The following EML1 variants were observed in gnomAD, a reference collection of about 807,000 sequenced individuals.
The protein encoded by EML1 is EMAP like 1, also known as echinoderm microtubule-associated protein-like 1.
In EML1, 27 loss-of-function variants were observed where a neutral mutation model predicts 110.4. The observed-to-expected ratio is 0.24, with a 90% confidence interval of 0.18 to 0.34. The LOEUF is 0.34. EML1 is among the 10% of genes least tolerant of loss of function. The probability of loss-of-function intolerance (pLI) is 1.00; values close to 1 mark genes in which losing one functional copy is unlikely to be tolerated. For synonymous variants in EML1, 344 were observed against 385.8 expected (o/e 0.89, Z 1.27); for missense variants, 741 against 1,030.9 (o/e 0.72, Z 3.85).
At chr14:99,767,697 A>G (rs1189049072) in intron 1 of EML1, among the ~76,000 whole-genome samples, 1 of 151,990 alleles carries the variant, frequency 6.6e-6, no homozygotes, top group East Asian at 1.9e-4. Context: ...AAATTGTGAG[A>G]CCCTTTTCAA....
chr14:99,844,774 C>G (rs2058682714), intron 1 of EML1, among the ~76,000 whole-genome samples: 1 of 152,172 alleles, frequency 6.6e-6, no homozygotes, highest in African/African-American at 2.4e-5. Flanking sequence ...TGGAATAGTA[C>G]AGGATGTAAC....
chr14:99,791,472 T>A (rs551172227), upstream of EML1, among the ~76,000 whole-genome samples: 11 of 152,364 alleles, frequency 7.2e-5, no homozygotes, highest in African/African-American at 2.4e-4. Context: ...CGATTTTCTA[T>A]TCTCTTCTTT....
chr14:99,894,637 T>A lies in EML1; in HGVS notation c.556T>A (p.Tyr186Asn). ...KEPVFSAEEG[Y>N]VKMFLRGRPV... Reference sequence around the variant, plus strand: ...CTTTGTTCTTTTTGTAGAAGAAGGCTATGTAAAAATGTTTCTTCGTGGACG... The same window carrying A: ...CTTTGTTCTTTTTGTAGAAGAAGGCAATGTAAAAATGTTTCTTCGTGGACG... The change falls in exon 6 of 22, where the codon TAT (tyrosine) becomes AAT (asparagine). Residue 186 changes from tyrosine (Y) to asparagine (N), a missense_variant. Physicochemically the swap from Tyr to Asn is moderately radical, Grantham distance 143. Around this residue, in one of 4 missense-constraint regions of EML1, gnomAD observed 226 missense variants for 255.6 expected, o/e 0.88. Transcript: ENST00000262233. The A allele has an allele frequency of 6.2e-7, 1 of 1,612,148 alleles. No homozygotes were observed. Among genetic ancestry groups the A allele is most frequent in the Non-Finnish European group, 8.5e-7 (1 of 1,179,282 alleles).
Position 99,865,791 on chromosome 14 carries a change from A to G in EML1, c.383+145A>G, listed in dbSNP as rs28429654. ...AGTCCAACATTTTATATGGTGCCAT[A>G]ACAAGAACTAGTTAAGTTTATTATT... is the stretch of plus-strand genomic sequence containing the variant. On this transcript the variant is annotated intron_variant, in intron 3 of 21. Coordinates refer to ENST00000262233, the MANE Select transcript of EML1 (RefSeq NM_004434.3). The G allele has an allele frequency of 1.6e-3, 1,695 of 1,059,404 alleles. 24 individuals are homozygous for G. In the African/African-American group the frequency reaches 0.019, roughly 12 times the overall value. 65.6% of individuals were successfully genotyped at this position (1,059,404 alleles called of 1,614,324 possible).
intron 17 of EML1, among the ~76,000 whole-genome samples, chr14:99,925,754 G>T (rs2060222323): frequency 6.6e-6 from 1 of 152,166 alleles, no homozygotes; most frequent in Admixed American, 6.5e-5. Context: ...TACAGATTCA[G>T]ATTGGCCGGA....
At chr14:99,738,135 G>A (rs571800933) in intron 1 of EML1, among the ~76,000 whole-genome samples, 1 of 152,364 alleles carries the variant, frequency 6.6e-6, no homozygotes, top group South Asian at 2.1e-4. Flanking sequence ...GGCCAGAGCT[G>A]ACCCAGGACA....
chr14:99,751,877 C>A (rs1230795133), intron 1 of EML1, among the ~76,000 whole-genome samples: 5 of 152,098 alleles, frequency 3.3e-5, no homozygotes, highest in African/African-American at 1.2e-4. Flanking sequence ...TTGGTATTGA[C>A]CCTGGGTGAG....
At chr14:99,753,061 A>C (rs8021555) in intron 1 of EML1, among the ~76,000 whole-genome samples, 11 of 151,904 alleles carry the variant, frequency 7.2e-5, no homozygotes, top group Admixed American at 5.9e-4. Context: ...CCCTCAGGAT[A>C]GCCATAAGAG....
rs371808320 is a variant in EML1, at chr14:99,939,971, G to A, written c.2323-16G>A. 7.1e-5 allele frequency: 109 copies of A among 1,545,284 alleles called. 1 individual carries two copies. Among genetic ancestry groups the A allele is most frequent in the South Asian group, 7.0e-4 (57 of 81,554 alleles). On this transcript the variant is annotated splice_polypyrimidine_tract_variant and intron_variant, in intron 21 of 21. Coordinates refer to ENST00000262233, the MANE Select transcript of EML1 (RefSeq NM_004434.3). This position sits in a 1 kb window ranked among gnomAD's most constrained non-coding sequence, Gnocchi z 4.2. Reference sequence around the variant, plus strand: ...CTTGTAGTAAAGGAAGCTTTCCCCCGTATCATTCCCTCCAGGCTCCAAGCC... The same window carrying A: ...CTTGTAGTAAAGGAAGCTTTCCCCCATATCATTCCCTCCAGGCTCCAAGCC...
chr14:99,810,772 A>G (rs1357722650), intron 1 of EML1, among the ~76,000 whole-genome samples: 3 of 152,226 alleles, frequency 2.0e-5, no homozygotes, highest in African/African-American at 4.8e-5. Context: ...TCTGGTGACT[A>G]TAGTTAATAA....
chr14:99,855,643 T>G (rs1373337226), intron 2 of EML1, among the ~76,000 whole-genome samples: 1 of 152,256 alleles, frequency 6.6e-6, no homozygotes, highest in Non-Finnish European at 1.5e-5. Context: ...TTTGCTTGTT[T>G]GTTCAGACTA....
intron 1 of EML1, among the ~76,000 whole-genome samples, chr14:99,799,444 C>T (rs1428437305): frequency 2.6e-5 from 4 of 152,236 alleles, no homozygotes; most frequent in African/African-American, 9.6e-5. Context: ...AAACTCAACG[C>T]TCCGAAGTAT....
chr14:99,751,583 A>T (rs940014928), intron 1 of EML1, among the ~76,000 whole-genome samples: 1 of 152,100 alleles, frequency 6.6e-6, no homozygotes, highest in Non-Finnish European at 1.5e-5. Context: ...GGTATCGTGA[A>T]TCAGGGACGG....
At chr14:99,770,995 A>G (rs1180946873), upstream of EML1, among the ~76,000 whole-genome samples, 1 of 151,922 alleles carries the variant, frequency 6.6e-6, no homozygotes, top group Non-Finnish European at 1.5e-5. Flanking sequence ...CACGTTAGCC[A>G]GGATGGTCTT....
chr14:99,895,875 C>T (rs918910604), intron 6 of EML1, among the ~76,000 whole-genome samples: 7 of 151,798 alleles, frequency 4.6e-5, no homozygotes, highest in African/African-American at 1.7e-4. Flanking sequence ...CTTGGCAAGT[C>T]CCTGTCTCAA....
At chr14:99,769,924 A>G (rs2057405284), upstream of EML1, among the ~76,000 whole-genome samples, 1 of 152,060 alleles carries the variant, frequency 6.6e-6, no homozygotes, top group Non-Finnish European at 1.5e-5. Context: ...CCCTCCAACC[A>G]CATTCCCTAC....
chr14:99,882,365 A>T (rs1479591089), intron 4 of EML1, among the ~76,000 whole-genome samples: 1 of 152,218 alleles, frequency 6.6e-6, no homozygotes, highest in Non-Finnish European at 1.5e-5. Context: ...TTGATAAAGC[A>T]TTTCAATTAT....
intron 1 of EML1, among the ~76,000 whole-genome samples, chr14:99,806,831 T>G (rs1338855193): frequency 6.6e-6 from 1 of 151,736 alleles, no homozygotes; most frequent in Admixed American, 6.6e-5. Context: ...GGGAAAAAAT[T>G]TAGAGCTGTT....
At chr14:99,914,874 C>T in intron 15 of EML1, 177 bp downstream of exon 15, 2 of 782,020 alleles carry the variant, frequency 2.6e-6, no homozygotes, top group Non-Finnish European at 3.8e-6. Context: ...TTAACATTGC[C>T]TCGTGGCCTC....
Sources: gnomAD v4.1 joint callset for allele counts (sites outside exome capture counted in the v4.1 genomes callset) on GRCh38, gnomAD v4.1.1 for gene constraint, gnomAD v4.1.1 regional missense constraint, Gnocchi (gnomAD v3.1) non-coding constraint, MANE v1.5 for transcripts, NCBI Gene and HGNC (gene_info 2026-07-23, HGNC 2026-07-21) for gene names.